DOK6: variants seen among roughly 807,000 people sequenced by gnomAD.
DOK6 encodes the protein docking protein 6, also known as downstream of tyrosine kinase 6.
In DOK6, 22 loss-of-function variants were observed where a neutral mutation model predicts 44.0. The observed-to-expected ratio is 0.50, with a 90% CI of 0.36 to 0.71. The LOEUF (loss-of-function observed/expected upper bound fraction) is 0.71, where lower values mean the gene tolerates loss of function less well. Among genes scored for constraint, DOK6 ranks in the 30% least tolerant of loss-of-function variants. The pLI, the probability that DOK6 is intolerant of heterozygous loss-of-function variation, is 0.00. For missense variants in DOK6, 340 were observed against 416.4 expected (o/e 0.82, Z 1.60); for synonymous variants, 166 against 145.5 (o/e 1.14, Z -1.01).
intron 1 of DOK6, among the ~76,000 whole-genome samples, chr18:69,472,710 A>G (rs1030201630): frequency 6.6e-6 from 1 of 152,170 alleles, no homozygotes; most frequent in Non-Finnish European, 1.5e-5. Context: ...ACGTATACAC[A>G]TAAACATACA....
At chr18:69,793,018 GATAA>G (rs1329983478) in intron 7 of DOK6, among the ~76,000 whole-genome samples, 2 of 152,054 alleles carry the variant, frequency 1.3e-5, no homozygotes, top group African/African-American at 2.4e-5. Flanking sequence ...CTAAGAAATA[GATAA>G]ATATCCATAT....
intron 7 of DOK6, among the ~76,000 whole-genome samples, chr18:69,769,918 C>T (rs999795648): frequency 2.0e-5 from 3 of 152,026 alleles, no homozygotes; most frequent in Non-Finnish European, 4.4e-5. Context: ...TACCAGATTT[C>T]AAACAGATTG....
intron 2 of DOK6, among the ~76,000 whole-genome samples, chr18:69,593,615 C>T (rs979188728): frequency 3.9e-5 from 6 of 152,242 alleles, no homozygotes; most frequent in African/African-American, 9.6e-5. Flanking sequence ...TGACCTACAT[C>T]ATCTGTCAGA....
chr18:69,743,764 G>T (rs1269124627), intron 6 of DOK6, among the ~76,000 whole-genome samples: 1 of 149,962 alleles, frequency 6.7e-6, no homozygotes, highest in Non-Finnish European at 1.5e-5. Flanking sequence ...AACATTGCAA[G>T]TAATTTAAAA....
At chr18:69,529,102 C>T (rs565508454) in intron 1 of DOK6, among the ~76,000 whole-genome samples, 7 of 152,226 alleles carry the variant, frequency 4.6e-5, no homozygotes, top group Admixed American at 6.5e-5. Flanking sequence ...TGTGTGCACA[C>T]GACTGTCCTC....
At chr18:69,722,440 C>T (rs1441665457) in intron 5 of DOK6, among the ~76,000 whole-genome samples, 1 of 152,154 alleles carries the variant, frequency 6.6e-6, no homozygotes, top group African/African-American at 2.4e-5. Context: ...TTAGAGACAG[C>T]TACTATATCC....
rs145729578 is a variant in DOK6, at chr18:69,731,804, C to T, written c.600-7161C>T. On this transcript the variant is annotated intron_variant, in intron 5 of 7. Transcript: ENST00000382713. ...CCAATCGTAACATGGCAGTTAAATT[C>T]ACGTTAAAAGGAAAGTATACTTCAT... 5.4e-3 allele frequency among the ~76,000 whole-genome samples: 828 copies of T among 152,218 alleles called. 8 individuals are homozygous for T. The highest frequency in any genetic ancestry group is 9.3e-3 in the South Asian group (45 of 4,826).
At chr18:69,691,978 C>G (rs1986278230) in intron 4 of DOK6, among the ~76,000 whole-genome samples, 1 of 152,084 alleles carries the variant, frequency 6.6e-6, no homozygotes, top group African/African-American at 2.4e-5. Context: ...TTGAATACAT[C>G]TTGTCATTAA....
At chr18:69,663,035 C>T (rs1985568558) in intron 3 of DOK6, 1 of 152,198 alleles carries the variant, frequency 6.6e-6, no homozygotes, top group South Asian at 2.1e-4. Context: ...TCCCTTAAAA[C>T]ATACTGCAGT....
chr18:69,806,091 T>A (rs1020202963), intron 7 of DOK6, among the ~76,000 whole-genome samples: 1 of 151,952 alleles, frequency 6.6e-6, no homozygotes, highest in Non-Finnish European at 1.5e-5. Context: ...GAAATTTTTA[T>A]TGTACCCATT....
chr18:69,477,305 T>C (rs1980294464), intron 1 of DOK6, among the ~76,000 whole-genome samples: 1 of 152,206 alleles, frequency 6.6e-6, no homozygotes, highest in Non-Finnish European at 1.5e-5. Flanking sequence ...CTGAGACAAG[T>C]TTGTCCCATT....
At chr18:69,556,509 C>G (rs1384214397) in intron 1 of DOK6, among the ~76,000 whole-genome samples, 1 of 152,144 alleles carries the variant, frequency 6.6e-6, no homozygotes, top group Non-Finnish European at 1.5e-5. Context: ...TACAAATGTG[C>G]TTCTTTGTTT....
At chr18:69,827,015 C>A (rs1169288873) in intron 7 of DOK6, among the ~76,000 whole-genome samples, 1 of 152,092 alleles carries the variant, frequency 6.6e-6, no homozygotes, top group Admixed American at 6.5e-5. Context: ...AATCTCTGTA[C>A]TAGTCTTGCA....
At chr18:69,597,774 G>A (rs557234845) in intron 2 of DOK6, among the ~76,000 whole-genome samples, 2 of 146,280 alleles carry the variant, frequency 1.4e-5, no homozygotes, top group East Asian at 3.9e-4. Flanking sequence ...AGCTGGAAGC[G>A]TGCATATCTG....
At chr18:69,826,531 A>ATTT (rs1981746080) in intron 7 of DOK6, among the ~76,000 whole-genome samples, 1 of 152,184 alleles carries the variant, frequency 6.6e-6, no homozygotes, top group Non-Finnish European at 1.5e-5. Context: ...GGGTTGCTAA[A>ATTT]CCCACCTAGA....
At chr18:69,716,211 G>A (rs1435400586) in intron 5 of DOK6, among the ~76,000 whole-genome samples, 1 of 126,784 alleles carries the variant, frequency 7.9e-6, no homozygotes, top group Admixed American at 7.5e-5. Context: ...GCCACAGTGA[G>A]ACAGTATTCT....
At chr18:69,690,022 A>C (rs1986230701) in intron 4 of DOK6, among the ~76,000 whole-genome samples, 1 of 152,178 alleles carries the variant, frequency 6.6e-6, no homozygotes, top group Non-Finnish European at 1.5e-5. Flanking sequence ...ACAGTATAAC[A>C]GAAATCTCTA....
At chr18:69,513,094 A>G (rs1217612544) in intron 1 of DOK6, among the ~76,000 whole-genome samples, 1 of 137,280 alleles carries the variant, frequency 7.3e-6, no homozygotes, top group Non-Finnish European at 1.7e-5. Flanking sequence ...TTCATTTTAT[A>G]TCTATACTTA....
chr18:69,822,397 C>A (rs2145125006), intron 7 of DOK6, among the ~76,000 whole-genome samples: 1 of 152,300 alleles, frequency 6.6e-6, no homozygotes, highest in Middle Eastern at 3.4e-3. Context: ...ATAGCAATTG[C>A]ATTAACAAGA....
Sources: gnomAD v4.1 joint callset for allele counts (sites outside exome capture counted in the v4.1 genomes callset) on GRCh38, gnomAD v4.1.1 for gene constraint, MANE v1.5 for transcripts, NCBI Gene and HGNC (gene_info 2026-07-23, HGNC 2026-07-21) for gene names.